Variants in DCLK1 observed in about 807,000 individuals in gnomAD.
The protein encoded by DCLK1 is serine/threonine-protein kinase DCLK1.
In DCLK1, 16 loss-of-function variants were observed where a neutral mutation model predicts 86.2. The observed-to-expected ratio is 0.19, with a 90% confidence interval of 0.13 to 0.28. The LOEUF is 0.28. DCLK1 is among the 10% of genes least tolerant of loss of function. DCLK1 has a pLI of 1.00. For missense variants in DCLK1, 590 were observed against 940.2 expected (o/e 0.63, Z 4.87); for synonymous variants, 369 against 370.5 (o/e 1.00, Z 0.05).
At chr13:35,947,485 A>C in intron 3 of DCLK1, 28 bp from the exon 4 acceptor site, 1 of 1,593,092 alleles carries the variant, frequency 6.3e-7, no homozygotes, top group South Asian at 1.1e-5. Flanking sequence ...GGCACTCAGC[A>C]AGGGTGGTAG....
chr13:35,855,267 G>A (rs934198482), intron 5 of DCLK1, among the ~76,000 whole-genome samples: 1 of 152,138 alleles, frequency 6.6e-6, no homozygotes, highest in Non-Finnish European at 1.5e-5. Context: ...TCACTAAACT[G>A]AACTAAAGCC....
intron 3 of DCLK1, among the ~76,000 whole-genome samples, chr13:36,099,103 TA>T (rs1232774440): frequency 6.6e-6 from 1 of 151,768 alleles, no homozygotes; most frequent in Non-Finnish European, 1.5e-5. Context: ...GAGTAGCTGG[TA>T]TTACAGGTGC....
At chr13:35,930,933 T>C (rs1835653390) in intron 4 of DCLK1, among the ~76,000 whole-genome samples, 1 of 152,246 alleles carries the variant, frequency 6.6e-6, no homozygotes, top group Non-Finnish European at 1.5e-5. Flanking sequence ...AAAGAGCTTT[T>C]GGTTTGGTGC....
At chr13:35,791,818 G>A (rs1297220827) in intron 16 of DCLK1, among the ~76,000 whole-genome samples, 1 of 152,186 alleles carries the variant, frequency 6.6e-6, no homozygotes, top group African/African-American at 2.4e-5. Context: ...TAAGCCCTTA[G>A]CAGGAGAAAA....
At chr13:35,960,270 A>C (rs1038616741) in intron 3 of DCLK1, among the ~76,000 whole-genome samples, 1 of 152,146 alleles carries the variant, frequency 6.6e-6, no homozygotes, top group African/African-American at 2.4e-5. Context: ...CTCTCTCTCT[A>C]AAAATAAAAA....
chr13:36,051,491 G>T (rs979405894), intron 3 of DCLK1, among the ~76,000 whole-genome samples: 1 of 151,650 alleles, frequency 6.6e-6, no homozygotes, highest in Non-Finnish European at 1.5e-5. Context: ...CATTTGTCTT[G>T]CTTTATTCTT....
chr13:36,065,520 C>G (rs1389133444), intron 3 of DCLK1, among the ~76,000 whole-genome samples: 1 of 152,214 alleles, frequency 6.6e-6, no homozygotes. Flanking sequence ...CCATCACAAT[C>G]TCCAGCATCC....
chr13:35,906,622 T>C (rs1874703863), intron 4 of DCLK1, among the ~76,000 whole-genome samples: 1 of 152,138 alleles, frequency 6.6e-6, no homozygotes, highest in Admixed American at 6.6e-5. Flanking sequence ...GGAGATGTGT[T>C]GGTTGGGGGA....
rs1884870285 is a variant in DCLK1, at chr13:36,092,561, A to C, written c.723+19308T>G. On this transcript the variant is annotated intron_variant, in intron 3 of 16. Transcript: ENST00000360631. ...GAGTGCAGTGGCGGGATCTCGGCTC[A>C]CTGCAAGCTCCGCCTCCCGGGTTCA... Among the ~76,000 whole-genome samples, 5 of 125,022 alleles carry C rather than the reference A, an allele frequency of 4.0e-5. No homozygotes were observed. The Admixed American group carries it at 5.1e-4, about 13-fold the overall frequency. 82.0% of individuals were successfully genotyped at this position (125,022 alleles called of 152,430 possible).
chr13:35,976,217 C>G (rs976959250), intron 3 of DCLK1, among the ~76,000 whole-genome samples: 1 of 152,048 alleles, frequency 6.6e-6, no homozygotes, highest in Non-Finnish European at 1.5e-5. Flanking sequence ...TCAGTCCTGA[C>G]CAGTTCTGAT....
At chr13:36,038,439 A>C (rs1882585618) in intron 3 of DCLK1, among the ~76,000 whole-genome samples, 1 of 152,356 alleles carries the variant, frequency 6.6e-6, no homozygotes, top group South Asian at 2.1e-4. Flanking sequence ...AGGAAAGAGA[A>C]GTGAGAGATG....
In DCLK1 at chr13:35,819,619, CT is replaced by C. The variant is rs1436228144; in HGVS notation, c.1554+3109del. On this transcript the variant is annotated intron_variant, in intron 11 of 16. Transcript: ENST00000360631. ...AGTAAAACAAAGTATGCTGTGAGGT[CT>C]TTTTATGTATTTGATAAGTTTCCCT... Among the ~76,000 whole-genome samples, 3 of 152,160 alleles carry C rather than the reference CT, an allele frequency of 2.0e-5. No homozygotes were observed. In the East Asian group the frequency reaches 5.8e-4, roughly 29 times the overall value.
At chr13:35,985,273 A>G (rs1182545435) in intron 3 of DCLK1, among the ~76,000 whole-genome samples, 1 of 152,164 alleles carries the variant, frequency 6.6e-6, no homozygotes, top group Non-Finnish European at 1.5e-5. Flanking sequence ...CCTCCTGTGA[A>G]GGGGATTAGC....
Position 35,773,092 on chromosome 13 carries a change from C to T in DCLK1, c.*1443G>A, listed in dbSNP as rs1292440414. On this transcript the variant is annotated 3_prime_UTR_variant, in exon 17 of 17. Transcript: ENST00000360631. Reference sequence around the variant, plus strand: ...CTCTAAGACACCCCAGGAGAATCCTCTCTGAGCACTGTGGTGATGCACAGA... The same window carrying T: ...CTCTAAGACACCCCAGGAGAATCCTTTCTGAGCACTGTGGTGATGCACAGA... 1.3e-5 allele frequency: 2 copies of T among 152,262 alleles called. No homozygotes were observed. Among genetic ancestry groups the T allele is most frequent in the Non-Finnish European group, 2.9e-5 (2 of 68,048 alleles). The allele number at this position is 152,262 out of a possible 1,614,324, so 9.4% of individuals were successfully genotyped here.
At chr13:35,896,713 G>A (rs1874018586) in intron 4 of DCLK1, among the ~76,000 whole-genome samples, 1 of 151,940 alleles carries the variant, frequency 6.6e-6, no homozygotes, top group Non-Finnish European at 1.5e-5. Context: ...CTCGGCCTTG[G>A]CAGGATAAGA....
At chr13:35,898,695 C>G (rs1378242121) in intron 4 of DCLK1, among the ~76,000 whole-genome samples, 1 of 152,000 alleles carries the variant, frequency 6.6e-6, no homozygotes, top group Non-Finnish European at 1.5e-5. Flanking sequence ...GTGTCACAGT[C>G]TGGTTACAAC....
intron 2 of DCLK1, among the ~76,000 whole-genome samples, chr13:36,120,467 T>C (rs979105689): frequency 3.9e-5 from 6 of 152,160 alleles, no homozygotes; most frequent in Non-Finnish European, 8.8e-5. Flanking sequence ...CTAGGAACAA[T>C]AGGCTATACC....
chr13:35,810,395 A>C (rs938066920), intron 12 of DCLK1, among the ~76,000 whole-genome samples: 1 of 152,154 alleles, frequency 6.6e-6, no homozygotes, highest in Non-Finnish European at 1.5e-5. Context: ...CTCCACGGAA[A>C]ATCAATGGAT....
At chr13:36,100,382 C>T (rs1885175783) in intron 3 of DCLK1, among the ~76,000 whole-genome samples, 1 of 151,580 alleles carries the variant, frequency 6.6e-6, no homozygotes, top group African/African-American at 2.4e-5. Context: ...TTGTCTCAAA[C>T]AAACAAACAA....
Sources: allele counts gnomAD v4.1 joint callset (sites outside exome capture counted in the v4.1 genomes callset), GRCh38; gene constraint gnomAD v4.1.1; transcripts MANE v1.5; gene names NCBI Gene and HGNC (gene_info 2026-07-23, HGNC 2026-07-21).